SORCS3: variants seen among roughly 807,000 people sequenced by gnomAD.
SORCS3 encodes the protein sortilin related VPS10 domain containing receptor 3.
A neutral mutation model predicts 146.3 loss-of-function variants in SORCS3; 57 were observed. That is an observed-to-expected ratio of 0.39 (90% CI 0.31 to 0.49). The LOEUF (loss-of-function observed/expected upper bound fraction) is 0.49, where lower values mean the gene tolerates loss of function less well. SORCS3 is among the 20% of genes least tolerant of loss of function. The pLI is 0.92. For missense variants in SORCS3, 1,341 were observed against 1,575.5 expected (o/e 0.85, Z 2.52); for synonymous variants, 653 against 618.5 (o/e 1.06, Z -0.83).
rs556364642 is a variant in SORCS3 at position 104,663,640 on chromosome 10, C to T, written c.627+21686C>T. ...TTTCACTAGCAAAATACTGGCCACA[C>T]AAGCCTGTTGTCATTTACGGCAATG... On this transcript the variant is annotated intron_variant, in intron 1 of 26. Coordinates refer to ENST00000369701, the MANE Select transcript of SORCS3 (RefSeq NM_014978.3). Among the ~76,000 whole-genome samples the T allele has an allele frequency of 1.6e-4, 25 of 152,284 alleles. 1 individual carries two copies. In the South Asian group the frequency reaches 5.2e-3, roughly 32 times the overall value.
intron 19 of SORCS3, among the ~76,000 whole-genome samples, chr10:105,221,864 A>G (rs917800781): frequency 3.9e-5 from 6 of 152,118 alleles, no homozygotes; most frequent in South Asian, 2.1e-4. Context: ...AGAGATTTAC[A>G]TATTTTAGTT....
At chr10:104,902,135 A>C (rs2018857826) in intron 2 of SORCS3, among the ~76,000 whole-genome samples, 1 of 152,198 alleles carries the variant, frequency 6.6e-6, no homozygotes, top group African/African-American at 2.4e-5. Flanking sequence ...TGTAACAACA[A>C]GACTAGAAAC....
At chr10:105,218,471 A>G (rs2056678361) in intron 19 of SORCS3, among the ~76,000 whole-genome samples, 1 of 152,170 alleles carries the variant, frequency 6.6e-6, no homozygotes, top group Non-Finnish European at 1.5e-5. Flanking sequence ...CAGAGTTTCC[A>G]TTCTGGTGGG....
At chr10:104,989,329 T>C (rs567995144) in intron 4 of SORCS3, among the ~76,000 whole-genome samples, 33 of 152,304 alleles carry the variant, frequency 2.2e-4, no homozygotes, top group Non-Finnish European at 4.0e-4. Context: ...GCAGGTTTAA[T>C]GTGAGAGGAG....
At chr10:104,743,547 G>A (rs895301419) in intron 1 of SORCS3, among the ~76,000 whole-genome samples, 2 of 152,142 alleles carry the variant, frequency 1.3e-5, no homozygotes, top group African/African-American at 4.8e-5. Context: ...TGCCTTGGGA[G>A]GCATTCACCT....
intron 5 of SORCS3, among the ~76,000 whole-genome samples, chr10:105,067,457 G>A (rs2133723188): frequency 6.6e-6 from 1 of 152,342 alleles, no homozygotes; most frequent in South Asian, 2.1e-4. Flanking sequence ...AACTCGGGAG[G>A]CGGAGGTTGC....
intron 20 of SORCS3, among the ~76,000 whole-genome samples, chr10:105,239,046 G>C (rs1466963895): frequency 7.9e-5 from 12 of 152,022 alleles, no homozygotes. Flanking sequence ...AGCATCCATA[G>C]CTACTAGTTT....
chr10:104,776,529 C>T (rs1483694467), intron 1 of SORCS3, among the ~76,000 whole-genome samples: 3 of 152,150 alleles, frequency 2.0e-5, no homozygotes, highest in Non-Finnish European at 2.9e-5. Flanking sequence ...TTTCAGGTCA[C>T]ACTCTGCTAG....
At chr10:104,933,251 G>C (rs188282198) in intron 3 of SORCS3, among the ~76,000 whole-genome samples, 23 of 151,970 alleles carry the variant, frequency 1.5e-4, no homozygotes, top group Admixed American at 1.1e-3. Flanking sequence ...GGAAGACAAA[G>C]TCCTTTCTAT....
At chr10:104,867,189 G>T (rs978915352) in intron 2 of SORCS3, among the ~76,000 whole-genome samples, 4 of 89,656 alleles carry the variant, frequency 4.5e-5, no homozygotes, top group Middle Eastern at 4.9e-3. Flanking sequence ...AAGGAACTGG[G>T]TGGGCTTGGG....
intron 2 of SORCS3, among the ~76,000 whole-genome samples, chr10:104,881,002 A>G (rs2018624925): frequency 6.6e-6 from 1 of 152,208 alleles, no homozygotes; most frequent in Non-Finnish European, 1.5e-5. Context: ...CTGAAATCTG[A>G]GAGATAATGC....
chr10:104,901,872 T>C (rs892439073), intron 2 of SORCS3, among the ~76,000 whole-genome samples: 6 of 152,188 alleles, frequency 3.9e-5, no homozygotes, highest in Non-Finnish European at 8.8e-5. Flanking sequence ...GAATGCTTAC[T>C]CCAGAGACAT....
intron 21 of SORCS3, among the ~76,000 whole-genome samples, 174 bp downstream of exon 21, chr10:105,245,839 C>T (rs772892435): frequency 2.0e-5 from 3 of 152,176 alleles, no homozygotes; most frequent in Non-Finnish European, 4.4e-5. Flanking sequence ...TTATAAGAGA[C>T]GTATACCACA....
chr10:105,214,367 C>CACACAG, intron 17 of SORCS3, 75 bp from the exon 18 acceptor site: 1 of 887,354 alleles, frequency 1.1e-6, no homozygotes. Flanking sequence ...CCCTTTATAA[C>CACACAG]ACACACACAC....
At chr10:105,138,411 A>C (rs900057820) in intron 7 of SORCS3, among the ~76,000 whole-genome samples, 1 of 152,204 alleles carries the variant, frequency 6.6e-6, no homozygotes, top group Non-Finnish European at 1.5e-5. Flanking sequence ...TCAGATTTGG[A>C]TCAGACTGGG....
At chr10:105,192,079 C>T (rs1162152063) in intron 14 of SORCS3, among the ~76,000 whole-genome samples, 1 of 152,004 alleles carries the variant, frequency 6.6e-6, no homozygotes, top group Non-Finnish European at 1.5e-5. Context: ...TTCTATATGA[C>T]TTCCATGCCC....
intron 1 of SORCS3, among the ~76,000 whole-genome samples, chr10:104,655,820 C>A (rs577242915): frequency 6.6e-6 from 1 of 152,284 alleles, no homozygotes; most frequent in East Asian, 1.9e-4. Context: ...GACATCTGCT[C>A]CCCCTTTGCC....
At chr10:104,798,351 G>A (rs1018542380) in intron 1 of SORCS3, among the ~76,000 whole-genome samples, 2 of 152,170 alleles carry the variant, frequency 1.3e-5, no homozygotes, top group African/African-American at 4.8e-5. Flanking sequence ...TAACATTCAT[G>A]TAAGAAACTG....
chr10:104,901,579 C>T (rs1338824439), intron 2 of SORCS3, among the ~76,000 whole-genome samples: 1 of 152,178 alleles, frequency 6.6e-6, no homozygotes, highest in Non-Finnish European at 1.5e-5. Context: ...ACTACCATCT[C>T]CCCCTCAAAC....
Sources: allele counts gnomAD v4.1 joint callset (sites outside exome capture counted in the v4.1 genomes callset), GRCh38; gene constraint gnomAD v4.1.1; transcripts MANE v1.5; gene names NCBI Gene and HGNC (gene_info 2026-07-23, HGNC 2026-07-21).